The following FOXA3 variants were observed in gnomAD, a reference collection of about 807,000 sequenced individuals.
The protein encoded by FOXA3 is forkhead box A3, also known as hepatocyte nuclear factor 3-gamma.
FOXA3 carries 11 observed loss-of-function variants against 16.9 expected under a neutral mutation model. The ratio of observed to expected loss-of-function variants is 0.65; its 90% CI spans 0.41 to 1.08. The LOEUF (loss-of-function observed/expected upper bound fraction) is 1.08, where lower values mean the gene tolerates loss of function less well. Ranked by LOEUF, FOXA3 falls within the 50% of genes least tolerant of loss-of-function variation. The pLI, the probability that FOXA3 is intolerant of heterozygous loss-of-function variation, is 0.00. For synonymous variants in FOXA3, 217 were observed against 203.3 expected (o/e 1.07, Z -0.57); for missense variants, 423 against 470.1 (o/e 0.90, Z 0.93).
intron 1 of FOXA3, among the ~76,000 whole-genome samples, chr19:45,870,632 T>C (rs988302999): frequency 6.7e-6 from 1 of 149,432 alleles, no homozygotes; most frequent in Admixed American, 6.7e-5. Flanking sequence ...TGCAGTGGCA[T>C]GATCTCAGCT....
Position 45,872,052 on chromosome 19 carries a change from C to T in FOXA3, c.70-23C>T. The T allele has an allele frequency of 6.2e-7, 1 of 1,609,040 alleles. No homozygotes were observed. The highest frequency in any genetic ancestry group is 8.5e-7 in the Non-Finnish European group (1 of 1,177,324). ...ACCAGCAGAGTGGAGCCCCACTGAC[C>T]CCTCCTTTCATCTTTCCCCTAGGTC... On this transcript the variant is annotated intron_variant, in intron 1 of 1. Transcript: ENST00000302177. This position sits in a 1 kb window ranked among gnomAD's most constrained non-coding sequence, Gnocchi z 4.5.
At position 45,865,579 on chromosome 19, in the gene FOXA3, G is replaced by A. The variant is rs189579205; in HGVS notation, c.69+1054G>A. Among the ~76,000 whole-genome samples the A allele has an allele frequency of 2.0e-3, 312 of 152,254 alleles. 1 individual carries two copies. The highest frequency in any genetic ancestry group is 0.014 in the Middle Eastern group (4 of 294). On this transcript the variant is annotated intron_variant, in intron 1 of 1. Transcript: ENST00000302177. ...CTTCTAACCTGGAAGGGGACTGTGG[G>A]CTTGAGGTGGGGTGTGGGGCAGGAA...
At chr19:45,866,911 C>A (rs1972089679) in intron 1 of FOXA3, among the ~76,000 whole-genome samples, 1 of 152,284 alleles carries the variant, frequency 6.6e-6, no homozygotes, top group South Asian at 2.1e-4. Flanking sequence ...TCTCCAGAGA[C>A]AATAAGGAAA....
Position 45,873,027 on chromosome 19 carries a change from T to C in FOXA3, c.1022T>C (p.Leu341Pro). Residue 341 changes from leucine (L) to proline (P), a missense_variant, in exon 2 of 2, where the codon CTC becomes CCC. Transcript: ENST00000302177. ...GAGCCTGGAGTCTACTACCAGGGCC[T>C]CTATTCCCGCTCTTTGCTTAATGCA... ...GGEPGVYYQG[L>P]YSRSLLNAS The C allele has an allele frequency of 6.2e-7, 1 of 1,607,182 alleles. No homozygotes were observed. The highest frequency in any genetic ancestry group is 8.5e-7 in the Non-Finnish European group (1 of 1,176,572).
In FOXA3 at chr19:45,873,312, C is replaced by T; in HGVS notation, c.*254C>T. On this transcript the variant is annotated 3_prime_UTR_variant, in exon 2 of 2. Transcript: ENST00000302177. ...CATTGATGGATGTTATTGGCTAATC[C>T]ACTGCATGGTTTGATGGCCACCATC... 7 of 563,546 alleles carry T rather than the reference C, an allele frequency of 1.2e-5. No individual in the cohort carries two copies. In the East Asian group the frequency reaches 2.2e-4, roughly 18 times the overall value. The allele number at this position is 563,546 out of a possible 1,614,324, so 34.9% of individuals were successfully genotyped here. A position where few individuals can be genotyped will look rare whatever the true frequency, so the allele number is the denominator to read the frequency against.
intron 1 of FOXA3, among the ~76,000 whole-genome samples, chr19:45,868,301 C>G (rs934341576): frequency 3.0e-4 from 45 of 152,032 alleles, no homozygotes; most frequent in African/African-American, 1.1e-3. Context: ...GTGGTAGGGC[C>G]AGACATGGTG....
At position 45,872,889 on chromosome 19, in the gene FOXA3, A is replaced by G; in HGVS notation, c.884A>G (p.Asp295Gly). ...GAGCTCCCAGGGGAGCTGAAGCTGGACGCGCCCTACAACTTCAACCACCCT... is the reference window on the plus strand; with the variant it reads ...GAGCTCCCAGGGGAGCTGAAGCTGGGCGCGCCCTACAACTTCAACCACCCT... ...GLELPGELKLDAPYNFNHPFS... is the reference protein window; with the variant it reads ...GLELPGELKLGAPYNFNHPFS... The change falls in exon 2 of 2, where the codon GAC (aspartate) becomes GGC (glycine). Residue 295 changes from aspartate (D) to glycine (G), a missense_variant. By Grantham distance (94) the Asp-to-Gly change is moderately conservative (BLOSUM62 -1). Transcript: ENST00000302177. This position sits in a 1 kb window ranked among gnomAD's most constrained non-coding sequence, Gnocchi z 4.5. 6.2e-7 allele frequency: 1 copy of G among 1,614,036 alleles called. No individual in the cohort carries two copies. Among genetic ancestry groups the G allele is most frequent in the Non-Finnish European group, 8.5e-7 (1 of 1,180,016 alleles).
At position 45,872,198 on chromosome 19, in the gene FOXA3, C is replaced by T; in HGVS notation, c.193C>T (p.Leu65=). Reference sequence around the variant, plus strand: ...TGCCTCCCCACTGCCCTCAGGACCCCTGGCACCCCCAGCACCTGCAGCCCC... The same window carrying T: ...TGCCTCCCCACTGCCCTCAGGACCCTTGGCACCCCCAGCACCTGCAGCCCC... The part of the protein sequence containing the change: ...LPASPLPSGP[L]APPAPAAPLG... Residue 65 remains leucine (L), a synonymous_variant, in exon 2 of 2, where the codon CTG becomes TTG. Transcript: ENST00000302177. The surrounding 1 kb of genome is among the most constrained non-coding windows in gnomAD (Gnocchi z 4.5). The T allele has an allele frequency of 5.0e-6, 8 of 1,597,306 alleles. No homozygotes were observed. Among genetic ancestry groups the T allele is most frequent in the Non-Finnish European group, 6.0e-6 (7 of 1,170,278 alleles).
chr19:45,868,395 C>T (rs1346356150), intron 1 of FOXA3, among the ~76,000 whole-genome samples: 5 of 152,054 alleles, frequency 3.3e-5, no homozygotes, highest in Admixed American at 3.3e-4. Flanking sequence ...GCCTGACCAA[C>T]ATGGTGAAAC....
chr19:45,872,511 TG>T lies in FOXA3; in HGVS notation c.507del (p.Ser170LeufsTer50). 1 of 1,614,170 alleles carries T rather than the reference TG, an allele frequency of 6.2e-7. No individual in the cohort carries two copies. The highest frequency in any genetic ancestry group is 8.5e-7 in the Non-Finnish European group (1 of 1,180,024). ...TGGCAGAACTCCATTCGCCACTCGCTGTCTTTCAACGACTGCTTCGTCAAGG... is the reference window on the plus strand; with the variant it reads ...TGGCAGAACTCCATTCGCCACTCGCTTCTTTCAACGACTGCTTCGTCAAGG... ...QRWQNSIRHS[L>X]SFNDCFVKVA... On this transcript the variant is annotated frameshift_variant, in exon 2 of 2. Coordinates refer to ENST00000302177, the MANE Select transcript of FOXA3 (RefSeq NM_004497.3). LOFTEE classifies it low-confidence loss of function (END_TRUNC). This position sits in a 1 kb window ranked among gnomAD's most constrained non-coding sequence, Gnocchi z 4.5.
At chr19:45,865,147 C>T (rs1220626135) in intron 1 of FOXA3, among the ~76,000 whole-genome samples, 1 of 152,010 alleles carries the variant, frequency 6.6e-6, no homozygotes, top group Non-Finnish European at 1.5e-5. Context: ...TAGAGTTGGG[C>T]ATCTGGGAGC....
In FOXA3 at chr19:45,864,334, C is replaced by T; in HGVS notation, c.-123C>T. On this transcript the variant is annotated 5_prime_UTR_variant, in exon 1 of 2. Coordinates refer to ENST00000302177, the MANE Select transcript of FOXA3 (RefSeq NM_004497.3). ...CGCCTCCCGCGGCGCTCGGGACAGC[C>T]GTACCCCGGGCGGTCGGACGGGCGG... The T allele has an allele frequency of 3.7e-6, 3 of 807,134 alleles. No individual in the cohort carries two copies. Among genetic ancestry groups the T allele is most frequent in the East Asian group, 3.4e-5 (1 of 29,646 alleles). 50.0% of individuals were successfully genotyped at this position (807,134 alleles called of 1,614,324 possible).
chr19:45,868,304 A>T (rs1322243001), intron 1 of FOXA3, among the ~76,000 whole-genome samples: 1 of 152,048 alleles, frequency 6.6e-6, no homozygotes, highest in East Asian at 1.9e-4. Flanking sequence ...GTAGGGCCAG[A>T]CATGGTGGCT....
At position 45,872,104 on chromosome 19, in the gene FOXA3, C is replaced by T; in HGVS notation, c.99C>T (p.Thr33=). 2 of 1,608,500 alleles carry T rather than the reference C, an allele frequency of 1.2e-6. No homozygotes were observed. The highest frequency in any genetic ancestry group is 2.2e-5 in the South Asian group (2 of 90,334). ...ACTCGCCGGTGACCCCAGTGCCCAC[C>T]ATGGCCCCCCTCAACTCCTACATGA... ...EVYSPVTPVP[T]MAPLNSYMTL... The change falls in exon 2 of 2, where the codon ACC becomes ACT. Residue 33 remains threonine (T), a synonymous_variant. Transcript: ENST00000302177. This position sits in a 1 kb window ranked among gnomAD's most constrained non-coding sequence, Gnocchi z 4.5.
chr19:45,871,096 A>C (rs1017251101), intron 1 of FOXA3, among the ~76,000 whole-genome samples: 5 of 152,100 alleles, frequency 3.3e-5, no homozygotes, highest in African/African-American at 1.2e-4. Context: ...TAGAAAAAAA[A>C]AATTATTTAG....
intron 1 of FOXA3, among the ~76,000 whole-genome samples, chr19:45,867,993 A>C (rs1454490110): frequency 6.7e-6 from 1 of 148,760 alleles, no homozygotes; most frequent in Non-Finnish European, 1.5e-5. Context: ...GGGCAGGAAG[A>C]GCAAAAGAGG....
rs780181879 is a variant in FOXA3, at chr19:45,872,966, G to T, written c.961G>T (p.Asp321Tyr). The change falls in exon 2 of 2, where the codon GAC (aspartate) becomes TAC (tyrosine). Residue 321 changes from aspartate to tyrosine, a missense_variant. By Grantham distance (160) the Asp-to-Tyr change is radical. Coordinates refer to ENST00000302177, the MANE Select transcript of FOXA3 (RefSeq NM_004497.3). This position sits in a 1 kb window ranked among gnomAD's most constrained non-coding sequence, Gnocchi z 4.5. ...SEQTPAPPKLDVGFGGYGAEG... is the reference protein window; with the variant it reads ...SEQTPAPPKLYVGFGGYGAEG... ...ACAGACACCAGCACCTCCCAAACTG[G>T]ACGTGGGGTTTGGGGGCTACGGGGC... 1 of 1,614,082 alleles carries T rather than the reference G, an allele frequency of 6.2e-7. No homozygotes were observed.
In FOXA3 at chr19:45,868,782, GGGATAA is replaced by G. The variant is rs761743739; in HGVS notation, c.70-3291_70-3286del. Among the ~76,000 whole-genome samples, 100 of 152,226 alleles carry G rather than the reference GGGATAA, an allele frequency of 6.6e-4. 1 individual carries two copies. Among genetic ancestry groups the G allele is most frequent in the Non-Finnish European group, 1.4e-3 (93 of 68,016 alleles). The stretch of plus-strand genomic sequence containing the variant: ...GAGGATGGGAGACAGTGGTTGAGAA[GGGATAA>G]GTAGATACAAAGAAAGAAACAACCT... On this transcript the variant is annotated intron_variant, in intron 1 of 1. Coordinates refer to ENST00000302177, the MANE Select transcript of FOXA3 (RefSeq NM_004497.3).
At chr19:45,870,424 C>T (rs1374249838) in intron 1 of FOXA3, among the ~76,000 whole-genome samples, 6 of 152,018 alleles carry the variant, frequency 3.9e-5, no homozygotes, top group Admixed American at 2.6e-4. Flanking sequence ...CCACCTGCCT[C>T]GGCCTCCCAA....
Sources: gnomAD v4.1 joint callset for allele counts (sites outside exome capture counted in the v4.1 genomes callset) on GRCh38, gnomAD v4.1.1 for gene constraint, Gnocchi (gnomAD v3.1) non-coding constraint, MANE v1.5 for transcripts, NCBI Gene and HGNC (gene_info 2026-07-23, HGNC 2026-07-21) for gene names.